Variants in STRBP observed in about 807,000 individuals in gnomAD.
STRBP encodes the protein spermatid perinuclear RNA binding protein, also known as spermatid perinuclear RNA-binding protein.
In STRBP, 13 loss-of-function variants were observed where a neutral mutation model predicts 80.1. The observed-to-expected ratio is 0.16, with a 90% confidence interval of 0.11 to 0.26. The LOEUF (loss-of-function observed/expected upper bound fraction) is 0.26, where lower values mean the gene tolerates loss of function less well. STRBP is among the 10% of genes least tolerant of loss of function. STRBP has a pLI of 1.00. For synonymous variants in STRBP, 284 were observed against 291.2 expected (o/e 0.98, Z 0.25); for missense variants, 485 against 815.2 (o/e 0.59, Z 4.93).
chr9:123,124,519 G>C lies in STRBP; in HGVS notation c.*1078C>G, dbSNP rs542735042. The C allele has an allele frequency of 1.0e-6, 1 of 985,274 alleles. No individual in the cohort carries two copies. Among genetic ancestry groups the C allele is most frequent in the African/African-American group, 1.7e-5 (1 of 57,214 alleles). The allele number at this position is 985,274 out of a possible 1,614,324, so 61.0% of individuals were successfully genotyped here. On this transcript the variant is annotated 3_prime_UTR_variant, in exon 19 of 19. Coordinates refer to ENST00000348403, the MANE Select transcript of STRBP (RefSeq NM_018387.5). ...CACTTTTCACAGCAGCACTCAACAA[G>C]AACTGGGACAATCGAAGAGCAAGTT...
intron 11 of STRBP, among the ~76,000 whole-genome samples, chr9:123,152,859 T>C (rs1041508193): frequency 1.3e-5 from 2 of 152,106 alleles, no homozygotes; most frequent in Non-Finnish European, 2.9e-5. Context: ...GGCATAAAAC[T>C]TACACACACG....
intron 11 of STRBP, among the ~76,000 whole-genome samples, chr9:123,155,404 G>A (rs576629502): frequency 6.6e-6 from 1 of 152,244 alleles, no homozygotes; most frequent in Admixed American, 6.5e-5. Context: ...ACCATGTTGA[G>A]CAACCCAGTA....
At chr9:123,190,232 A>T (rs898239568) in intron 2 of STRBP, among the ~76,000 whole-genome samples, 1 of 151,778 alleles carries the variant, frequency 6.6e-6, no homozygotes, top group African/African-American at 2.4e-5. Context: ...GTGAGCCAAG[A>T]TCGTGCCACT....
chr9:123,259,078 G>C (rs1177094256), intron 1 of STRBP, among the ~76,000 whole-genome samples: 1 of 150,266 alleles, frequency 6.7e-6, no homozygotes, highest in Non-Finnish European at 1.5e-5. Flanking sequence ...AAAAAAAAGG[G>C]GGGGGGATTA....
At chr9:123,128,098 T>C in intron 18 of STRBP, 116 bp downstream of exon 18, 1 of 1,309,304 alleles carries the variant, frequency 7.6e-7, no homozygotes, top group South Asian at 1.3e-5. Flanking sequence ...GTTGGGTCAC[T>C]AGAATGAATA....
rs561101191 is a variant in STRBP at position 123,154,140 on chromosome 9, G to A, written c.1045+3872C>T. 2.0e-5 allele frequency among the ~76,000 whole-genome samples: 3 copies of A among 152,256 alleles called. No individual in the cohort carries two copies. The South Asian group carries it at 6.2e-4, about 32-fold the overall frequency. On this transcript the variant is annotated intron_variant, in intron 11 of 18. Coordinates refer to ENST00000348403, the MANE Select transcript of STRBP (RefSeq NM_018387.5). ...GGTTGTTTATGTGTATACCTCAGGA[G>A]GTATGCAGAAGAATGCTCATGGCAA...
chr9:123,133,671 C>G (rs919423246), intron 16 of STRBP, among the ~76,000 whole-genome samples: 4 of 151,992 alleles, frequency 2.6e-5, no homozygotes, highest in African/African-American at 9.7e-5. Context: ...TCCCAAGTAA[C>G]TGGAATTACA....
At chr9:123,200,654 G>A (rs1167279844) in intron 2 of STRBP, among the ~76,000 whole-genome samples, 4 of 142,846 alleles carry the variant, frequency 2.8e-5, no homozygotes, top group South Asian at 2.2e-4. Flanking sequence ...TGCAAGCTCC[G>A]CCTCCTGGGT....
At chr9:123,174,900 G>A (rs1041944524) in intron 4 of STRBP, among the ~76,000 whole-genome samples, 1 of 152,026 alleles carries the variant, frequency 6.6e-6, no homozygotes, top group Non-Finnish European at 1.5e-5. Flanking sequence ...AAGTTTAACC[G>A]TCTTTCAACA....
chr9:123,197,117 G>A (rs1012089332), intron 2 of STRBP, among the ~76,000 whole-genome samples: 1 of 152,232 alleles, frequency 6.6e-6, no homozygotes, highest in Middle Eastern at 3.4e-3. Flanking sequence ...AAGTCATTAG[G>A]TTAAATGAAG....
chr9:123,115,086 C>T lies in STRBP; in HGVS notation c.*84+843G>A. 1 of 407,552 alleles carries T rather than the reference C, an allele frequency of 2.5e-6. No homozygotes were observed. The allele number at this position is 407,552 out of a possible 1,614,324, so 25.2% of individuals were successfully genotyped here. A position where few individuals can be genotyped will look rare whatever the true frequency, so the allele number is the denominator to read the frequency against. On this transcript the variant is annotated intron_variant and NMD_transcript_variant, in intron 3 of 3. Transcript: ENST00000471564. This position sits in a 1 kb window ranked among gnomAD's most constrained non-coding sequence, Gnocchi z 5.0. ...ACAATGGTCATCATTGAAGGACACACCACCCAGGGCCTTTTAAGAAGTGAC... is the reference window on the plus strand; with the variant it reads ...ACAATGGTCATCATTGAAGGACACATCACCCAGGGCCTTTTAAGAAGTGAC...
In STRBP at chr9:123,184,204, T is replaced by A. The variant is rs995335761; in HGVS notation, c.-70A>T. The A allele has an allele frequency of 1.6e-5, 25 of 1,530,460 alleles. 1 individual carries two copies. The Admixed American group carries it at 4.1e-4, about 25-fold the overall frequency. 94.8% of individuals were successfully genotyped at this position (1,530,460 alleles called of 1,614,324 possible). On this transcript the variant is annotated 5_prime_UTR_variant, in exon 3 of 19. Coordinates refer to ENST00000348403, the MANE Select transcript of STRBP (RefSeq NM_018387.5). ...CTTTCTTGTCGTCTTCACTAGACACTGTTTTGTGTAACAATACCTCCTCAT... is the reference window on the plus strand; with the variant it reads ...CTTTCTTGTCGTCTTCACTAGACACAGTTTTGTGTAACAATACCTCCTCAT...
At chr9:123,158,539 C>T in intron 9 of STRBP, 110 bp from the exon 10 acceptor site, 1 of 860,276 alleles carries the variant, frequency 1.2e-6, no homozygotes, top group South Asian at 1.7e-5. Context: ...AAAAAAAAAA[C>T]TGAGGAACTA....
At position 123,169,891 on chromosome 9, in the gene STRBP, T is replaced by TATATATATAC; in HGVS notation, c.535+10_535+11insGTATATATAT. 1 of 1,415,634 alleles carries TATATATATAC rather than the reference T, an allele frequency of 7.1e-7. No individual in the cohort carries two copies. The highest frequency in any genetic ancestry group is 9.3e-7 in the Non-Finnish European group (1 of 1,069,616). 87.7% of individuals were successfully genotyped at this position (1,415,634 alleles called of 1,614,324 possible). ...ATATATACATATATATATATATATA[T>TATATATATAC]ACATGTGTACCTCCATCCTTCTTCT... On this transcript the variant is annotated intron_variant, in intron 6 of 18. Coordinates refer to ENST00000348403, the MANE Select transcript of STRBP (RefSeq NM_018387.5).
chr9:123,178,666 A>T (rs1293812497), intron 4 of STRBP, among the ~76,000 whole-genome samples: 1 of 152,198 alleles, frequency 6.6e-6, no homozygotes, highest in Non-Finnish European at 1.5e-5. Context: ...CTCCCCAGAG[A>T]TCAAAAACAC....
At chr9:123,153,221 C>T (rs750350742) in intron 11 of STRBP, among the ~76,000 whole-genome samples, 1 of 149,774 alleles carries the variant, frequency 6.7e-6, no homozygotes, top group African/African-American at 2.5e-5. Context: ...GACAGAGTCT[C>T]GCTCTGTCAC....
intron 6 of STRBP, among the ~76,000 whole-genome samples, chr9:123,163,615 A>C (rs543302823): frequency 6.6e-6 from 1 of 152,356 alleles, no homozygotes; most frequent in East Asian, 1.9e-4. Context: ...TATCTTTTTC[A>C]AAGTTCTTAA....
intron 2 of STRBP, among the ~76,000 whole-genome samples, chr9:123,232,622 G>A (rs2040429537): frequency 6.6e-6 from 1 of 152,162 alleles, no homozygotes; most frequent in Non-Finnish European, 1.5e-5. Flanking sequence ...AGAGAAAACT[G>A]GTATGTCTAT....
At chr9:123,140,923 A>G (rs555943383) in intron 13 of STRBP, among the ~76,000 whole-genome samples, 2 of 152,318 alleles carry the variant, frequency 1.3e-5, no homozygotes, top group African/African-American at 4.8e-5. Flanking sequence ...TTACAAGAGA[A>G]TATGTTCACT....
Sources: gnomAD v4.1 joint callset for allele counts (sites outside exome capture counted in the v4.1 genomes callset) on GRCh38, gnomAD v4.1.1 for gene constraint, Gnocchi (gnomAD v3.1) non-coding constraint, MANE v1.5 for transcripts, NCBI Gene and HGNC (gene_info 2026-07-23, HGNC 2026-07-21) for gene names.